Variants in EMID1 observed in about 807,000 individuals in gnomAD.
EMID1 encodes the protein EMI domain containing 1.
In EMID1, 40 loss-of-function variants were observed where a neutral mutation model predicts 60.6. The observed-to-expected ratio is 0.66, with a 90% CI of 0.51 to 0.86. The LOEUF is 0.86. EMID1 is among the 40% of genes least tolerant of loss of function. The probability of loss-of-function intolerance (pLI) is 0.00; values close to 1 mark genes in which losing one functional copy is unlikely to be tolerated. For missense variants in EMID1, 585 were observed against 597.1 expected (o/e 0.98, Z 0.21); for synonymous variants, 242 against 231.0 (o/e 1.05, Z -0.43).
chr22:29,255,645 AC>A (rs1209855616), intron 14 of EMID1: 1 of 298,444 alleles, frequency 3.4e-6, no homozygotes, highest in African/African-American at 2.2e-5. Flanking sequence ...GCTCAGGAGA[AC>A]CCTGACACTG....
At chr22:29,237,086 C>G (rs12171266) in intron 12 of EMID1, among the ~76,000 whole-genome samples, 66,914 of 148,424 alleles carry the variant, frequency 0.45, 17,949 homozygotes, top group Non-Finnish European at 0.54. Flanking sequence ...TGAGCCACCT[C>G]GCCCAGCTAC....
chr22:29,212,131 G>A (rs544010971), intron 1 of EMID1, among the ~76,000 whole-genome samples: 10 of 151,780 alleles, frequency 6.6e-5, no homozygotes, highest in South Asian at 2.1e-4. Flanking sequence ...GATTACAGGC[G>A]CACACCACCA....
intron 3 of EMID1, among the ~76,000 whole-genome samples, chr22:29,222,987 A>C (rs907111385): frequency 2.0e-5 from 3 of 152,146 alleles, no homozygotes; most frequent in Admixed American, 6.6e-5. Context: ...ACTACTCTGG[A>C]GGCTGAGGAA....
At chr22:29,208,098 TG>T (rs1568962996) in intron 1 of EMID1, among the ~76,000 whole-genome samples, 2 of 152,126 alleles carry the variant, frequency 1.3e-5, no homozygotes, top group Non-Finnish European at 2.9e-5. Context: ...TCATGTCACA[TG>T]GGGGTAGGGA....
At chr22:29,237,800 C>CA (rs71196642) in intron 12 of EMID1, among the ~76,000 whole-genome samples, 43,548 of 140,442 alleles carry the variant, frequency 0.31, 10,165 homozygotes, top group East Asian at 0.62. Context: ...GACTCCGTTT[C>CA]AAAAAAAACA....
At chr22:29,255,561 G>A (rs1242736096) in intron 14 of EMID1, 3 of 434,176 alleles carry the variant, frequency 6.9e-6, no homozygotes, top group Admixed American at 7.4e-5. Flanking sequence ...TCTGTGCCAG[G>A]CACCTTGCTG....
intron 10 of EMID1, 66 bp from the exon 11 acceptor site, chr22:29,234,071 G>A: frequency 1.3e-6 from 2 of 1,541,588 alleles, no homozygotes; most frequent in Non-Finnish European, 1.8e-6. Context: ...CAACACCTCT[G>A]TTCCCAAGCC....
intron 1 of EMID1, among the ~76,000 whole-genome samples, chr22:29,207,719 A>G (rs1230860839): frequency 6.6e-6 from 1 of 151,942 alleles, no homozygotes; most frequent in Non-Finnish European, 1.5e-5. Context: ...CATCCCAAAA[A>G]CCCTGTGGGC....
At chr22:29,252,285 C>G (rs8139265) in intron 13 of EMID1, among the ~76,000 whole-genome samples, 1 of 152,212 alleles carries the variant, frequency 6.6e-6, no homozygotes, top group Non-Finnish European at 1.5e-5. Flanking sequence ...CCCCAGCGAG[C>G]AGGCTCACTC....
At position 29,258,877 on chromosome 22, in the gene EMID1, G is replaced by T. The variant is rs1167690999; in HGVS notation, c.1265G>T (p.Gly422Val). 1.2e-6 allele frequency: 2 copies of T among 1,613,292 alleles called. No individual in the cohort carries two copies. Among genetic ancestry groups the T allele is most frequent in the Non-Finnish European group, 1.7e-6 (2 of 1,179,790 alleles). ...ACAGGCACCCCCAGCCTCCTTCGGGGCAAGAGGGGCGGACATGCAACCAAC... is the reference window on the plus strand; with the variant it reads ...ACAGGCACCCCCAGCCTCCTTCGGGTCAAGAGGGGCGGACATGCAACCAAC... ...AGTGTPSLLRGKRGGHATNYR... is the reference protein window; with the variant it reads ...AGTGTPSLLRVKRGGHATNYR... Residue 422 changes from glycine (G) to valine (V), a missense_variant, in exon 15 of 15, where the codon GGC (glycine) becomes GTC (valine). Transcript: ENST00000334018.
At chr22:29,229,911 G>A (rs1199040875) in intron 5 of EMID1, among the ~76,000 whole-genome samples, 1 of 152,180 alleles carries the variant, frequency 6.6e-6, no homozygotes, top group Non-Finnish European at 1.5e-5. Context: ...CTGGCCTTTC[G>A]TTGGTCCTCA....
chr22:29,241,150 T>G lies in EMID1; in HGVS notation c.1075-2295T>G, dbSNP rs117930933. Among the ~76,000 whole-genome samples, 196 of 152,280 alleles carry G rather than the reference T, an allele frequency of 1.3e-3. 2 individuals are homozygous for G. In the East Asian group the frequency reaches 0.032, roughly 25 times the overall value. ...TTTTAACCCTAAGACTGGTCTACAC[T>G]GAGCCTCCAGAAGTTCATCAATTAC... On this transcript the variant is annotated intron_variant, in intron 12 of 14. Transcript: ENST00000334018.
intron 5 of EMID1, among the ~76,000 whole-genome samples, chr22:29,229,682 AT>A (rs1475793885): frequency 4.0e-5 from 6 of 151,724 alleles, no homozygotes; most frequent in Non-Finnish European, 7.4e-5. Flanking sequence ...GATTTATCAA[AT>A]GGGAAAACCA....
At chr22:29,233,053 T>G (rs1046846651) in intron 8 of EMID1, 23 of 363,592 alleles carry the variant, frequency 6.3e-5, no homozygotes, top group African/African-American at 4.7e-4. Flanking sequence ...TACAGAAGCC[T>G]GGCACACAGT....
chr22:29,226,566 C>G lies in EMID1; in HGVS notation c.465+15C>G, dbSNP rs763349394. ...TGGAGGCCAAGGTGGGTGAGCAGCT[C>G]CCTCCTGGGTGGTTGTTCCCTGCCA... On this transcript the variant is annotated intron_variant, in intron 5 of 14. Coordinates refer to ENST00000334018, the MANE Select transcript of EMID1 (RefSeq NM_133455.4). 1 of 1,609,660 alleles carries G rather than the reference C, an allele frequency of 6.2e-7. No homozygotes were observed. Among genetic ancestry groups the G allele is most frequent in the Non-Finnish European group, 8.5e-7 (1 of 1,178,266 alleles).
intron 13 of EMID1, among the ~76,000 whole-genome samples, chr22:29,251,603 A>G (rs947138807): frequency 4.9e-5 from 7 of 143,374 alleles, no homozygotes; most frequent in African/African-American, 1.8e-4. Flanking sequence ...GCTCAAGTGA[A>G]CCTCCCACCT....
At position 29,233,615 on chromosome 22, in the gene EMID1, TC is replaced by T; in HGVS notation, c.920del (p.Pro307LeufsTer16). Reference protein sequence around the residue: ...GPPGPPGPMGPPGPPGPTGVP... With the variant: ...GPPGPPGPMGXPGPPGPTGVP... ...TTAGGACATCCTGTCTTTTTCCAGG[TC>T]CCCCTGGGCCTCCTGGCCCCACAGG... is the stretch of plus-strand genomic sequence containing the variant. On this transcript the variant is annotated frameshift_variant and splice_region_variant, in exon 10 of 15. Coordinates refer to ENST00000334018, the MANE Select transcript of EMID1 (RefSeq NM_133455.4). LOFTEE classifies it high-confidence loss of function. The T allele has an allele frequency of 1.2e-6, 2 of 1,613,310 alleles. No homozygotes were observed. The highest frequency in any genetic ancestry group is 1.7e-6 in the Non-Finnish European group (2 of 1,179,428).
chr22:29,223,099 A>C (rs1171714665), intron 3 of EMID1, among the ~76,000 whole-genome samples: 1 of 152,188 alleles, frequency 6.6e-6, no homozygotes, highest in Admixed American at 6.5e-5. Flanking sequence ...TCAAAAAAAA[A>C]AGAAGTTTTA....
At chr22:29,254,083 T>C (rs1361317539) in intron 13 of EMID1, 120 bp from the exon 14 acceptor site, 23 of 1,569,652 alleles carry the variant, frequency 1.5e-5, no homozygotes, top group Non-Finnish European at 1.7e-5. Flanking sequence ...GACCCTGGGC[T>C]GTGGCAGGTA....
Sources: allele counts gnomAD v4.1 joint callset (sites outside exome capture counted in the v4.1 genomes callset), GRCh38; gene constraint gnomAD v4.1.1; transcripts MANE v1.5; gene names NCBI Gene and HGNC (gene_info 2026-07-23, HGNC 2026-07-21).